The following ECT2L variants were observed in gnomAD, a reference collection of about 807,000 sequenced individuals.
ECT2L encodes the protein epithelial cell-transforming sequence 2 oncogene-like.
A neutral mutation model predicts 122.8 loss-of-function variants in ECT2L; 126 were observed. The observed-to-expected ratio is 1.03, with a 90% CI of 0.89 to 1.19. ECT2L has a LOEUF of 1.19. Among genes scored for constraint, ECT2L ranks in the 50% most tolerant of loss-of-function variants. The pLI is 0.00. For missense variants in ECT2L, 1,012 were observed against 1,064.1 expected (o/e 0.95, Z 0.68); for synonymous variants, 385 against 381.8 (o/e 1.01, Z -0.10).
intron 9 of ECT2L, among the ~76,000 whole-genome samples, chr6:138,852,131 T>A (rs1324528351): frequency 2.0e-5 from 3 of 152,244 alleles, no homozygotes; most frequent in South Asian, 2.1e-4. Flanking sequence ...TACAAAAAAA[T>A]TAGCTGGGCG....
chr6:138,796,339 G>C (rs1051844364), intron 1 of ECT2L, 147 bp downstream of exon 1: 1 of 152,298 alleles, frequency 6.6e-6, no homozygotes, highest in African/African-American at 2.4e-5. Context: ...CGCGACCCTG[G>C]AGTCCCTTAG....
rs533172860 is a variant in ECT2L, at chr6:138,842,500, G to T, written c.343-479G>T. Among the ~76,000 whole-genome samples, 237 of 147,874 alleles carry T rather than the reference G, an allele frequency of 1.6e-3. 1 individual carries two copies. Among genetic ancestry groups the T allele is most frequent in the Non-Finnish European group, 2.4e-3 (161 of 66,938 alleles). ...GAAATAAAAATAAAAGTCCGGGTGC[G>T]GTGGTTCACACCTGTAATCCCAGCA... On this transcript the variant is annotated intron_variant, in intron 5 of 21. Coordinates refer to ENST00000541398, the MANE Select transcript of ECT2L (RefSeq NM_001077706.3).
chr6:138,834,316 C>G (rs548239915), intron 4 of ECT2L, among the ~76,000 whole-genome samples: 1 of 142,866 alleles, frequency 7.0e-6, no homozygotes, highest in East Asian at 1.9e-4. Flanking sequence ...AACTACCCTA[C>G]CTTAGTTCTG....
chr6:138,871,385 TTTG>T, intron 13 of ECT2L, among the ~76,000 whole-genome samples: 1 of 152,164 alleles, frequency 6.6e-6, no homozygotes, highest in Non-Finnish European at 1.5e-5. Context: ...TCTGGAAGTA[TTTG>T]TTAATGCTTC....
intron 8 of ECT2L, among the ~76,000 whole-genome samples, chr6:138,848,504 T>C (rs997613320): frequency 3.3e-5 from 5 of 152,252 alleles, no homozygotes; most frequent in Non-Finnish European, 5.9e-5. Flanking sequence ...TGTACCTGTA[T>C]GTATTAATAT....
chr6:138,858,323 C>A (rs1288881775), intron 10 of ECT2L, among the ~76,000 whole-genome samples: 1 of 152,090 alleles, frequency 6.6e-6, no homozygotes, highest in Non-Finnish European at 1.5e-5. Flanking sequence ...GATTGCCTCC[C>A]CAGCTCCAAA....
chr6:138,827,417 G>C (rs1475686480), intron 4 of ECT2L, among the ~76,000 whole-genome samples: 1 of 152,010 alleles, frequency 6.6e-6, no homozygotes, highest in Non-Finnish European at 1.5e-5. Context: ...AGCAACACAA[G>C]AAGGGCCTAA....
At chr6:138,828,794 T>C (rs59910427) in intron 4 of ECT2L, among the ~76,000 whole-genome samples, 1,738 of 152,302 alleles carry the variant, frequency 0.011, 29 homozygotes, top group African/African-American at 0.034. Flanking sequence ...TCCTCCAAAA[T>C]TGATCACTGA....
chr6:138,806,511 C>CTTCTTT lies in ECT2L; in HGVS notation c.-243-6325_-243-6324insCTTTTT, dbSNP rs530723007. Among the ~76,000 whole-genome samples the CTTCTTT allele has an allele frequency of 8.4e-3, 751 of 89,662 alleles. 21 individuals carry two copies. Among genetic ancestry groups the CTTCTTT allele is most frequent in the Non-Finnish European group, 8.7e-3 (432 of 49,864 alleles). The allele number at this position is 89,662 out of a possible 152,430, so 58.8% of individuals were successfully genotyped here. On this transcript the variant is annotated intron_variant, in intron 1 of 21. Coordinates refer to ENST00000541398, the MANE Select transcript of ECT2L (RefSeq NM_001077706.3). ...TCCCCTGTGCAGCTGAAAATTCACG[C>CTTCTTT]TTTTTTTTTTTTTTTTTTTGAGATG... is the stretch of plus-strand genomic sequence containing the variant.
In ECT2L at chr6:138,865,121, A is replaced by T. The variant is rs754286977; in HGVS notation, c.1417A>T (p.Lys473Ter). 6.2e-7 allele frequency: 1 copy of T among 1,614,060 alleles called. No individual in the cohort carries two copies. The highest frequency in any genetic ancestry group is 8.5e-7 in the Non-Finnish European group (1 of 1,179,944). Residue 473 changes from lysine to a stop codon, truncating the protein, a stop_gained, in exon 12 of 22, where the codon AAG becomes TAG. Transcript: ENST00000541398. LOFTEE classifies it high-confidence loss of function. The stretch of plus-strand genomic sequence containing the variant: ...AGAAGAAACCTTGAAAACAGTAAGG[A>T]AGCAGCTGTATCCTTTCTTCAAGGA... ...FLEETLKTVR[K>*]QLYPFFKELQ...
intron 9 of ECT2L, among the ~76,000 whole-genome samples, chr6:138,849,704 G>A (rs1453694802): frequency 6.6e-6 from 1 of 151,822 alleles, no homozygotes; most frequent in African/African-American, 2.4e-5. Context: ...GAGCAGCTGG[G>A]ACCACAGGTG....
At chr6:138,882,605 G>A in intron 15 of ECT2L, 119 bp from the exon 16 acceptor site, 3 of 1,249,004 alleles carry the variant, frequency 2.4e-6, no homozygotes, top group Non-Finnish European at 3.3e-6. Context: ...GAAATGACTT[G>A]ACCAAAACCC....
chr6:138,843,720 G>T (rs950309983), intron 6 of ECT2L, among the ~76,000 whole-genome samples: 1 of 152,048 alleles, frequency 6.6e-6, no homozygotes, highest in African/African-American at 2.4e-5. Flanking sequence ...TTGAGACAGG[G>T]TCTCACTGTC....
At chr6:138,835,032 T>C (rs568132905) in intron 4 of ECT2L, among the ~76,000 whole-genome samples, 105 of 151,952 alleles carry the variant, frequency 6.9e-4, no homozygotes, top group Middle Eastern at 6.8e-3. Context: ...CAAGGCTACA[T>C]GGACAGGGAT....
At chr6:138,842,796 A>G (rs1190427811) in intron 5 of ECT2L, among the ~76,000 whole-genome samples, 183 bp from the exon 6 acceptor site, 1 of 152,236 alleles carries the variant, frequency 6.6e-6, no homozygotes, top group East Asian at 1.9e-4. Flanking sequence ...AAAATATAAA[A>G]AAAATTAAAA....
rs546434408 is a variant in ECT2L at position 138,893,720 on chromosome 6, C to T, written c.2414+4689C>T. ...TACAGGCGTGAGCCACCGCACCCAGCCAGAATAAGGAAATTTTTATTAGCT... is the reference window on the plus strand; with the variant it reads ...TACAGGCGTGAGCCACCGCACCCAGTCAGAATAAGGAAATTTTTATTAGCT... On this transcript the variant is annotated intron_variant, in intron 20 of 21. Transcript: ENST00000541398. Among the ~76,000 whole-genome samples, 6 of 152,280 alleles carry T rather than the reference C, an allele frequency of 3.9e-5. No homozygotes were observed. In the East Asian group the frequency reaches 1.2e-3, roughly 29 times the overall value.
intron 13 of ECT2L, among the ~76,000 whole-genome samples, chr6:138,875,567 G>T (rs1018600220): frequency 3.9e-5 from 6 of 152,206 alleles, no homozygotes; most frequent in South Asian, 2.1e-4. Context: ...CAGGCAGCAG[G>T]GGTGGGGGTG....
intron 6 of ECT2L, among the ~76,000 whole-genome samples, chr6:138,843,458 G>T (rs1777114095): frequency 6.6e-6 from 1 of 152,124 alleles, no homozygotes; most frequent in Non-Finnish European, 1.5e-5. Flanking sequence ...TGCTTCCATT[G>T]CTATTCTGGC....
At chr6:138,882,686 A>G in intron 15 of ECT2L, 38 bp from the exon 16 acceptor site, 1 of 1,608,004 alleles carries the variant, frequency 6.2e-7, no homozygotes, top group Non-Finnish European at 8.5e-7. Flanking sequence ...AGTTATCACA[A>G]GTGAATATTT....
Sources: gnomAD v4.1 joint callset for allele counts (sites outside exome capture counted in the v4.1 genomes callset) on GRCh38, gnomAD v4.1.1 for gene constraint, MANE v1.5 for transcripts, NCBI Gene and HGNC (gene_info 2026-07-23, HGNC 2026-07-21) for gene names.